Variants in OSBPL8 observed in about 807,000 individuals in gnomAD.
OSBPL8 encodes the protein oxysterol-binding protein-related protein 8.
In OSBPL8, 59 loss-of-function variants were observed where a neutral mutation model predicts 125.5. The ratio of observed to expected loss-of-function variants is 0.47; its 90% CI spans 0.38 to 0.58. OSBPL8 has a LOEUF of 0.58. Among genes scored for constraint, OSBPL8 ranks in the 20% least tolerant of loss-of-function variants. OSBPL8 has a pLI of 0.00. For missense variants in OSBPL8, 758 were observed against 1,047.8 expected, an observed-to-expected ratio of 0.72 and a Z score of 3.82; for synonymous variants, 330 against 338.9, an observed-to-expected ratio of 0.97 and a Z score of 0.29.
intron 1 of OSBPL8, among the ~76,000 whole-genome samples, chr12:76,521,849 C>T (rs772085609): frequency 1.4e-4 from 22 of 151,854 alleles, no homozygotes; most frequent in Non-Finnish European, 2.8e-4. Context: ...TTCTGCAAGA[C>T]GAAGAGTTCT....
At chr12:76,524,486 C>A (rs185171799) in intron 1 of OSBPL8, among the ~76,000 whole-genome samples, 2 of 152,220 alleles carry the variant, frequency 1.3e-5, no homozygotes, top group East Asian at 3.9e-4. Flanking sequence ...CATACACCAT[C>A]ACTGATCTTC....
At chr12:76,418,725 G>A (rs897369290) in intron 4 of OSBPL8, among the ~76,000 whole-genome samples, 5 of 152,000 alleles carry the variant, frequency 3.3e-5, no homozygotes, top group African/African-American at 4.8e-5. Context: ...CCAGCTACTT[G>A]GGAGGCTGAG....
intron 1 of OSBPL8, among the ~76,000 whole-genome samples, chr12:76,511,227 T>C (rs918607042): frequency 1.3e-5 from 2 of 152,194 alleles, no homozygotes; most frequent in Admixed American, 1.3e-4. Flanking sequence ...GTCTTTATGG[T>C]ACAGTGATTT....
chr12:76,394,857 T>C, intron 8 of OSBPL8, 128 bp from the exon 9 acceptor site: 1 of 604,916 alleles, frequency 1.7e-6, no homozygotes, highest in Non-Finnish European at 2.6e-6. Flanking sequence ...CAAATGAGCT[T>C]TAATTTCATC....
intron 15 of OSBPL8, among the ~76,000 whole-genome samples, chr12:76,381,180 T>C (rs930004010): frequency 6.6e-6 from 1 of 152,156 alleles, no homozygotes; most frequent in Non-Finnish European, 1.5e-5. Flanking sequence ...TTTACATGTA[T>C]AAGGATATTA....
rs1025192951 is a variant in OSBPL8, at chr12:76,499,605, C to T, written c.-67-11987G>A. 2.6e-5 allele frequency among the ~76,000 whole-genome samples: 4 copies of T among 152,112 alleles called. No individual in the cohort carries two copies. The East Asian group carries it at 7.7e-4, about 29-fold the overall frequency. On this transcript the variant is annotated intron_variant, in intron 1 of 23. Transcript: ENST00000261183. The stretch of plus-strand genomic sequence containing the variant: ...GTAGCTCATGCCTGTAATCCCAGCA[C>T]TTCAGGAGGCTGAGGTGGGCAGATC...
At chr12:76,539,728 G>T (rs17042343) in intron 1 of OSBPL8, among the ~76,000 whole-genome samples, 1 of 152,090 alleles carries the variant, frequency 6.6e-6, no homozygotes, top group African/African-American at 2.4e-5. Flanking sequence ...ACAGCTCCTG[G>T]TCTCATACCA....
intron 1 of OSBPL8, among the ~76,000 whole-genome samples, chr12:76,515,720 C>T (rs1053017936): frequency 5.9e-5 from 9 of 151,964 alleles, no homozygotes; most frequent in South Asian, 4.2e-4. Context: ...GCCTCTGTGT[C>T]GCTTCTGGGT....
chr12:76,524,596 G>GTATA (rs1357618923), intron 1 of OSBPL8, among the ~76,000 whole-genome samples: 1 of 151,152 alleles, frequency 6.6e-6, no homozygotes, highest in Non-Finnish European at 1.5e-5. Context: ...CTGATACAAA[G>GTATA]TATATACCAC....
At chr12:76,367,305 A>T (rs1317754018) in intron 21 of OSBPL8, among the ~76,000 whole-genome samples, 2 of 150,938 alleles carry the variant, frequency 1.3e-5, no homozygotes, top group Non-Finnish European at 3.0e-5. Context: ...TGTCTCTTGT[A>T]ACAATTTTTG....
At chr12:76,376,390 T>C (rs961725763) in intron 16 of OSBPL8, among the ~76,000 whole-genome samples, 2 of 152,210 alleles carry the variant, frequency 1.3e-5, no homozygotes, top group African/African-American at 2.4e-5. Context: ...TATTTGGCTA[T>C]GGAACTCTTA....
At chr12:76,395,444 A>C (rs554688861) in intron 8 of OSBPL8, among the ~76,000 whole-genome samples, 1 of 152,350 alleles carries the variant, frequency 6.6e-6, no homozygotes, top group Non-Finnish European at 1.5e-5. Flanking sequence ...TAAAGTTATT[A>C]GGTCAAAAAA....
intron 4 of OSBPL8, among the ~76,000 whole-genome samples, chr12:76,430,472 A>G (rs1179397939): frequency 6.6e-6 from 1 of 152,200 alleles, no homozygotes; most frequent in Non-Finnish European, 1.5e-5. Flanking sequence ...AGACACTAAC[A>G]TCAGTCTACA....
intron 4 of OSBPL8, among the ~76,000 whole-genome samples, chr12:76,429,481 G>A (rs1870553521): frequency 1.3e-5 from 2 of 151,776 alleles, no homozygotes; most frequent in South Asian, 4.2e-4. Flanking sequence ...TATACGAAAT[G>A]CTTAGGTTTC....
At chr12:76,418,099 T>C (rs1868962221) in intron 4 of OSBPL8, among the ~76,000 whole-genome samples, 2 of 131,412 alleles carry the variant, frequency 1.5e-5, no homozygotes, top group African/African-American at 5.6e-5. Context: ...CACCACAACC[T>C]CCGCCTCCCG....
chr12:76,549,514 G>A (rs906437857), intron 1 of OSBPL8, among the ~76,000 whole-genome samples: 3 of 152,088 alleles, frequency 2.0e-5, no homozygotes, highest in African/African-American at 7.2e-5. Flanking sequence ...AGGTTCAAGT[G>A]ATTCTCCTGC....
intron 5 of OSBPL8, 127 bp downstream of exon 5, chr12:76,410,437 C>T: frequency 1.5e-6 from 1 of 655,082 alleles, no homozygotes; most frequent in Non-Finnish European, 2.7e-6. Context: ...TTTTAATACA[C>T]ACTACATGGT....
chr12:76,399,677 A>C (rs757635194), intron 7 of OSBPL8, among the ~76,000 whole-genome samples, 196 bp downstream of exon 7: 1 of 152,230 alleles, frequency 6.6e-6, no homozygotes, highest in Non-Finnish European at 1.5e-5. Context: ...ATTGTTAAGA[A>C]AGACATTAAG....
At chr12:76,436,970 C>T (rs890628201) in intron 4 of OSBPL8, among the ~76,000 whole-genome samples, 1 of 151,980 alleles carries the variant, frequency 6.6e-6, no homozygotes, top group Non-Finnish European at 1.5e-5. Flanking sequence ...TAATTTGTTT[C>T]GTAAATTCTT....
Sources: allele counts gnomAD v4.1 joint callset (sites outside exome capture counted in the v4.1 genomes callset), GRCh38; gene constraint gnomAD v4.1.1; transcripts MANE v1.5; gene names NCBI Gene and HGNC (gene_info 2026-07-23, HGNC 2026-07-21).